Variants in ODF2L observed in about 807,000 individuals in gnomAD.
The protein encoded by ODF2L is outer dense fiber of sperm tails 2 like, also known as protein BCAP.
In ODF2L, 76 loss-of-function variants were observed where a neutral mutation model predicts 86.3. The observed-to-expected ratio is 0.88, with a 90% confidence interval of 0.73 to 1.07. The LOEUF is 1.07. Among genes scored for constraint, ODF2L ranks in the 50% least tolerant of loss-of-function variants. ODF2L has a pLI of 0.00. For synonymous variants in ODF2L, 241 were observed against 231.3 expected (o/e 1.04, Z -0.38); for missense variants, 748 against 717.4 (o/e 1.04, Z -0.49).
At chr1:86,356,470 G>C in exon 14 of ODF2L, 1 of 1,613,374 alleles carries the variant, frequency 6.2e-7, no homozygotes, top group Non-Finnish European at 8.5e-7. Flanking sequence ...CTAATGGTGT[G>C]TTCCTGGTCT....
chr1:86,388,582 T>A (rs113415334), intron 1 of ODF2L, among the ~76,000 whole-genome samples: 2,105 of 152,158 alleles, frequency 0.014, 29 homozygotes, highest in South Asian at 0.039. Flanking sequence ...CCTTTTTTTT[T>A]AAATTCACCC....
At chr1:86,355,829 C>T (rs1278869125) in intron 14 of ODF2L, among the ~76,000 whole-genome samples, 2 of 151,942 alleles carry the variant, frequency 1.3e-5, no homozygotes, top group Non-Finnish European at 2.9e-5. Flanking sequence ...GGAAGATAGA[C>T]AGGGAATGCT....
At chr1:86,349,661 A>C (rs1293975988), downstream of ODF2L, 1 of 152,256 alleles carries the variant, frequency 6.6e-6, no homozygotes, top group Non-Finnish European at 1.5e-5. Flanking sequence ...CAATTTGGAA[A>C]GAAAAATAGT....
chr1:86,370,224 T>C (rs1423772008), intron 10 of ODF2L, among the ~76,000 whole-genome samples: 1 of 152,094 alleles, frequency 6.6e-6, no homozygotes, highest in Non-Finnish European at 1.5e-5. Context: ...CTTAGGAATT[T>C]AACATGTCTT....
chr1:86,371,312 A>C (rs1227514144), intron 9 of ODF2L, among the ~76,000 whole-genome samples, 159 bp from the exon 10 acceptor site: 1 of 152,216 alleles, frequency 6.6e-6, no homozygotes, highest in Non-Finnish European at 1.5e-5. Context: ...AAAAATAAGA[A>C]GAAGTAATCT....
chr1:86,391,025 C>T (rs750988104), intron 1 of ODF2L, among the ~76,000 whole-genome samples: 60 of 152,322 alleles, frequency 3.9e-4, no homozygotes, highest in Admixed American at 6.5e-4. Flanking sequence ...CAGTGCTATA[C>T]ACCAACAGTG....
At chr1:86,354,852 C>A in exon 15 of ODF2L, 1 of 1,588,148 alleles carries the variant, frequency 6.3e-7, no homozygotes, top group South Asian at 1.1e-5. Flanking sequence ...ATTGTGATTT[C>A]CATCAACCTA....
intron 1 of ODF2L, among the ~76,000 whole-genome samples, chr1:86,389,346 A>T (rs937908432): frequency 6.6e-6 from 1 of 152,170 alleles, no homozygotes; most frequent in African/African-American, 2.4e-5. Flanking sequence ...AAACTGAATG[A>T]TAAGAGTGAC....
intron 7 of ODF2L, among the ~76,000 whole-genome samples, 183 bp from the exon 8 acceptor site, chr1:86,376,601 C>T (rs981214115): frequency 3.9e-5 from 6 of 152,096 alleles, no homozygotes; most frequent in South Asian, 2.1e-4. Context: ...CAGTTCCACA[C>T]GGCTGGGAAG....
intron 8 of ODF2L, among the ~76,000 whole-genome samples, chr1:86,375,986 G>C (rs147487338): frequency 1.6e-4 from 24 of 151,992 alleles, no homozygotes; most frequent in African/African-American, 5.5e-4. Flanking sequence ...GTGTGGAGGC[G>C]GGGGGGACAC....
exon 18 of ODF2L, chr1:86,350,790 AT>A (rs1042606917): frequency 6.6e-6 from 1 of 152,252 alleles, no homozygotes; most frequent in Admixed American, 6.5e-5. Flanking sequence ...AATGATCACC[AT>A]TCTAATTGGT....
chr1:86,382,851 G>C, intron 6 of ODF2L, 80 bp downstream of exon 6: 1 of 735,778 alleles, frequency 1.4e-6, no homozygotes, highest in South Asian at 1.6e-5. Context: ...TATTTCTGAG[G>C]AGTTGGGGCC....
At chr1:86,384,570 T>C in intron 4 of ODF2L, 106 bp downstream of exon 4, 1 of 719,974 alleles carries the variant, frequency 1.4e-6, no homozygotes, top group East Asian at 3.4e-5. Flanking sequence ...ATTCAAAGCA[T>C]TATTTCCATT....
chr1:86,354,484 CTT>C lies in ODF2L; in HGVS notation c.1767+44_1767+45del, dbSNP rs527445154. On this transcript the variant is annotated intron_variant, in intron 16 of 17. Coordinates refer to ENST00000317336, the Ensembl canonical transcript of ODF2L. ...TTGCAAGATGTTTAAAAAGATGACT[CTT>C]TGGTAAATGAATTAAAAAGTTTCTA... 269 of 1,280,616 alleles carry C rather than the reference CTT, an allele frequency of 2.1e-4. 1 individual carries two copies. Among genetic ancestry groups the C allele is most frequent in the Non-Finnish European group, 2.8e-4 (256 of 901,198 alleles). The allele number at this position is 1,280,616 out of a possible 1,614,324, so 79.3% of individuals were successfully genotyped here. A position where few individuals can be genotyped will look rare whatever the true frequency, so the allele number is the denominator to read the frequency against.
chr1:86,390,024 C>T (rs1661208807), intron 1 of ODF2L, among the ~76,000 whole-genome samples: 2 of 152,190 alleles, frequency 1.3e-5, no homozygotes, highest in African/African-American at 4.8e-5. Flanking sequence ...AGAATCCTCC[C>T]TAAATCATTC....
chr1:86,383,711 C>T (rs1291351560), intron 4 of ODF2L, among the ~76,000 whole-genome samples: 2 of 151,654 alleles, frequency 1.3e-5, no homozygotes, highest in Non-Finnish European at 1.5e-5. Context: ...CACCCAAAAC[C>T]ACATATATAT....
intron 1 of ODF2L, among the ~76,000 whole-genome samples, chr1:86,394,727 G>GA (rs1171119884): frequency 6.6e-6 from 1 of 151,090 alleles, no homozygotes; most frequent in Non-Finnish European, 1.5e-5. Flanking sequence ...ATAAGAAGAT[G>GA]AAAAAGAGAA....
chr1:86,354,530 C>G, exon 16 of ODF2L: 1 of 1,584,508 alleles, frequency 6.3e-7, no homozygotes, highest in African/African-American at 1.4e-5. Flanking sequence ...CCATGCATAC[C>G]TTTTGTCTTC....
intron 7 of ODF2L, among the ~76,000 whole-genome samples, chr1:86,381,550 C>CACTCAAT (rs1289615851): frequency 5.3e-5 from 8 of 151,936 alleles, no homozygotes; most frequent in Non-Finnish European, 8.8e-5. Context: ...AAGTCCTCAA[C>CACTCAAT]ACTCAATGGA....
Sources: allele counts gnomAD v4.1 joint callset (sites outside exome capture counted in the v4.1 genomes callset), GRCh38; gene constraint gnomAD v4.1.1; transcripts MANE v1.5; gene names NCBI Gene and HGNC (gene_info 2026-07-23, HGNC 2026-07-21).